Variants in NDST4 observed in about 807,000 individuals in gnomAD.
NDST4 encodes the protein N-heparan sulfate sulfotransferase 4.
NDST4 carries 63 observed loss-of-function variants against 100.8 expected under a neutral mutation model. The observed-to-expected ratio is 0.62, with a 90% CI of 0.51 to 0.77. The LOEUF is 0.77. Among genes scored for constraint, NDST4 ranks in the 30% least tolerant of loss-of-function variants. The pLI is 0.00. For missense variants in NDST4, 943 were observed against 1,018.4 expected (o/e 0.93, Z 1.01); for synonymous variants, 377 against 361.8 (o/e 1.04, Z -0.48).
At chr4:114,901,711 G>T (rs1052763069) in intron 6 of NDST4, among the ~76,000 whole-genome samples, 3 of 151,066 alleles carry the variant, frequency 2.0e-5, no homozygotes, top group Non-Finnish European at 4.4e-5. Context: ...TTCTATTTTT[G>T]TCTTTCAATT....
intron 2 of NDST4, among the ~76,000 whole-genome samples, chr4:115,073,928 T>C (rs1206115370): frequency 6.6e-6 from 1 of 151,874 alleles, no homozygotes; most frequent in Admixed American, 6.6e-5. Flanking sequence ...ACTGTTTTTG[T>C]CAATTAAAAA....
chr4:115,073,375 T>C (rs1342712863), intron 2 of NDST4, among the ~76,000 whole-genome samples: 2 of 152,066 alleles, frequency 1.3e-5, no homozygotes, highest in Non-Finnish European at 2.9e-5. Context: ...CTTGTTCATT[T>C]AAGCATTATT....
At chr4:115,079,702 A>T (rs1454971357) in intron 1 of NDST4, among the ~76,000 whole-genome samples, 1 of 152,150 alleles carries the variant, frequency 6.6e-6, no homozygotes, top group Non-Finnish European at 1.5e-5. Context: ...CACACTGTGG[A>T]TATTTTATGG....
At position 115,010,028 on chromosome 4, in the gene NDST4, A is replaced by G. The variant is rs570656033; in HGVS notation, c.979-32754T>C. Among the ~76,000 whole-genome samples the G allele has an allele frequency of 4.9e-4, 52 of 106,902 alleles. 8 individuals are homozygous for G. The East Asian group carries it at 0.015, about 31-fold the overall frequency. The allele number at this position is 106,902 out of a possible 152,430, so 70.1% of individuals were successfully genotyped here. ...TTAGAATGGCAATCATTAAAAAGTC[A>G]GGAAACAACAGGTGCTGGAGAGGAT... is the stretch of plus-strand genomic sequence containing the variant. On this transcript the variant is annotated intron_variant, in intron 2 of 13. Transcript: ENST00000264363.
At chr4:115,056,967 G>A (rs976488732) in intron 2 of NDST4, among the ~76,000 whole-genome samples, 2 of 152,004 alleles carry the variant, frequency 1.3e-5, no homozygotes, top group African/African-American at 4.8e-5. Flanking sequence ...ATTATTTTGG[G>A]TAATTTTTTT....
chr4:114,946,407 A>G (rs1725864079), intron 4 of NDST4, among the ~76,000 whole-genome samples: 1 of 152,196 alleles, frequency 6.6e-6, no homozygotes, highest in African/African-American at 2.4e-5. Flanking sequence ...AATATGGAGA[A>G]AAATAAAGCA....
chr4:115,067,255 C>A (rs1368710087), intron 2 of NDST4, among the ~76,000 whole-genome samples: 4 of 152,172 alleles, frequency 2.6e-5, no homozygotes, highest in Non-Finnish European at 5.9e-5. Flanking sequence ...TGCATCAAAT[C>A]TGGATTCCAT....
At chr4:114,936,727 C>T (rs1300209737) in intron 5 of NDST4, among the ~76,000 whole-genome samples, 1 of 152,078 alleles carries the variant, frequency 6.6e-6, no homozygotes, top group Non-Finnish European at 1.5e-5. Flanking sequence ...ATTCCTACAT[C>T]CTATTATTTT....
chr4:114,855,857 A>C (rs1219956868), intron 7 of NDST4, among the ~76,000 whole-genome samples: 2 of 152,114 alleles, frequency 1.3e-5, no homozygotes, highest in East Asian at 3.8e-4. Flanking sequence ...TCTTTCTTTA[A>C]TACTATGTCA....
At chr4:114,943,168 C>A (rs1008993549) in intron 4 of NDST4, among the ~76,000 whole-genome samples, 1 of 149,366 alleles carries the variant, frequency 6.7e-6, no homozygotes, top group Non-Finnish European at 1.5e-5. Flanking sequence ...CCATAAAATT[C>A]ACATAAAAAG....
chr4:115,083,968 A>T (rs1424512375), intron 1 of NDST4, among the ~76,000 whole-genome samples: 1 of 152,190 alleles, frequency 6.6e-6, no homozygotes, highest in Non-Finnish European at 1.5e-5. Context: ...GCACTGCTGT[A>T]AATACCCTGA....
chr4:114,970,956 G>C (rs1016355835), intron 3 of NDST4, among the ~76,000 whole-genome samples: 3 of 151,802 alleles, frequency 2.0e-5, no homozygotes, highest in African/African-American at 7.3e-5. Flanking sequence ...CATAACATTT[G>C]TTAATTTTTT....
At chr4:115,014,546 A>T (rs554021246) in intron 2 of NDST4, among the ~76,000 whole-genome samples, 2 of 152,174 alleles carry the variant, frequency 1.3e-5, no homozygotes, top group Admixed American at 6.6e-5. Context: ...TGACTTGAAA[A>T]TCTACTGGTT....
Position 115,000,254 on chromosome 4 carries a change from A to C in NDST4, c.979-22980T>G, listed in dbSNP as rs1054240617. Reference sequence around the variant, plus strand: ...CCAAAGAATGATGAAATGAGGGTAAAGTTAAATGACATAAATTACAATGTA... The same window carrying C: ...CCAAAGAATGATGAAATGAGGGTAACGTTAAATGACATAAATTACAATGTA... On this transcript the variant is annotated intron_variant, in intron 2 of 13. Transcript: ENST00000264363. 3.3e-5 allele frequency among the ~76,000 whole-genome samples: 5 copies of C among 151,640 alleles called. No individual in the cohort carries two copies. The East Asian group carries it at 9.7e-4, about 29-fold the overall frequency.
At chr4:114,921,736 T>G (rs1560813572) in intron 6 of NDST4, among the ~76,000 whole-genome samples, 1 of 152,106 alleles carries the variant, frequency 6.6e-6, no homozygotes, top group African/African-American at 2.4e-5. Flanking sequence ...TAAGACAAGA[T>G]TTTCTGAGTT....
intron 8 of NDST4, among the ~76,000 whole-genome samples, chr4:114,850,326 T>G (rs1196555971): frequency 1.3e-5 from 2 of 152,122 alleles, no homozygotes; most frequent in African/African-American, 4.8e-5. Flanking sequence ...AGCCAAAGCC[T>G]TTATGTTCTG....
chr4:114,872,885 TATATA>T (rs1724178582), intron 6 of NDST4, among the ~76,000 whole-genome samples: 1 of 151,928 alleles, frequency 6.6e-6, no homozygotes, highest in Admixed American at 6.6e-5. Flanking sequence ...CGCCAAAACA[TATATA>T]TACATTGAGT....
At chr4:114,994,224 A>G (rs550717595) in intron 2 of NDST4, among the ~76,000 whole-genome samples, 137 of 152,134 alleles carry the variant, frequency 9.0e-4, no homozygotes, top group African/African-American at 3.2e-3. Context: ...AACAAACAAA[A>G]CAGAATAAAG....
At chr4:114,886,174 G>T (rs972290450) in intron 6 of NDST4, among the ~76,000 whole-genome samples, 2 of 151,986 alleles carry the variant, frequency 1.3e-5, no homozygotes, top group African/African-American at 4.8e-5. Flanking sequence ...CAAAGAAAAC[G>T]TGCCTGTTAA....
Sources: allele counts gnomAD v4.1 joint callset (sites outside exome capture counted in the v4.1 genomes callset), GRCh38; gene constraint gnomAD v4.1.1; transcripts MANE v1.5; gene names NCBI Gene and HGNC (gene_info 2026-07-23, HGNC 2026-07-21).